Variants in ARPP21 observed in about 807,000 individuals in gnomAD.
ARPP21 encodes the protein cAMP-regulated phosphoprotein 21.
ARPP21 carries 69 observed loss-of-function variants against 113.2 expected under a neutral mutation model. The observed-to-expected ratio is 0.61, with a 90% CI of 0.50 to 0.74. The LOEUF (loss-of-function observed/expected upper bound fraction) is 0.74, where lower values mean the gene tolerates loss of function less well. Ranked by LOEUF, ARPP21 falls within the 30% of genes least tolerant of loss-of-function variation. ARPP21 has a pLI of 0.00. For missense variants in ARPP21, 1,070 were observed against 1,037.4 expected, an observed-to-expected ratio of 1.03 and a Z score of -0.43; for synonymous variants, 368 against 375.5, an observed-to-expected ratio of 0.98 and a Z score of 0.23.
At chr3:35,757,197 T>C (rs2095603309) in intron 19 of ARPP21, among the ~76,000 whole-genome samples, 1 of 151,012 alleles carries the variant, frequency 6.6e-6, no homozygotes, top group Admixed American at 6.6e-5. Flanking sequence ...TAGCTGGGAT[T>C]ACAAGCACCC....
chr3:35,743,927 A>G lies in ARPP21; in HGVS notation c.2099A>G (p.Gln700Arg), dbSNP rs757127262. 1 of 1,614,204 alleles carries G rather than the reference A, an allele frequency of 6.2e-7. No homozygotes were observed. Among genetic ancestry groups the G allele is most frequent in the Non-Finnish European group, 8.5e-7 (1 of 1,179,998 alleles). ...RPMAPVQYNA[Q>R]RSQQMPQAAQ... ...ATGGCCCCGGTTCAGTACAACGCTC[A>G]GAGGAGTCAACAGATGCCACAGGCA... Residue 700 changes from glutamine to arginine, a missense_variant, in exon 19 of 21, where the codon CAG (glutamine) becomes CGG (arginine). By Grantham distance (43) the Gln-to-Arg change is conservative. Transcript: ENST00000684406.
chr3:35,766,824 T>C (rs1286207793), intron 19 of ARPP21, among the ~76,000 whole-genome samples: 1 of 148,918 alleles, frequency 6.7e-6, no homozygotes, highest in Non-Finnish European at 1.5e-5. Context: ...AAGCTCATAT[T>C]ATACATATGT....
At chr3:35,766,011 A>T (rs1319743057) in intron 19 of ARPP21, among the ~76,000 whole-genome samples, 1 of 152,152 alleles carries the variant, frequency 6.6e-6, no homozygotes, top group Non-Finnish European at 1.5e-5. Flanking sequence ...AGCTCTGGGT[A>T]CCATGTAGAG....
chr3:35,771,979 A>G (rs910394692), intron 19 of ARPP21, among the ~76,000 whole-genome samples: 2 of 152,222 alleles, frequency 1.3e-5, no homozygotes, highest in Non-Finnish European at 2.9e-5. Context: ...AAGAAAATCT[A>G]ATTCACATCA....
At position 35,689,930 on chromosome 3, in the gene ARPP21, T is replaced by C. The variant is rs1265271929; in HGVS notation, c.486-151T>C. ...TTGTAATGAATGAAATGAAATAATA[T>C]GTAAATGGTCAGCATATTCCAAAGA... On this transcript the variant is annotated intron_variant, in intron 7 of 20. Transcript: ENST00000684406. 7.4e-6 allele frequency: 4 copies of C among 543,916 alleles called. No individual in the cohort carries two copies. The East Asian group carries it at 8.9e-5, about 12-fold the overall frequency. 33.7% of individuals were successfully genotyped at this position (543,916 alleles called of 1,614,324 possible).
At chr3:35,709,830 G>A (rs1366301655) in intron 11 of ARPP21, among the ~76,000 whole-genome samples, 1 of 152,192 alleles carries the variant, frequency 6.6e-6, no homozygotes, top group Non-Finnish European at 1.5e-5. Flanking sequence ...TGCGTCAGTA[G>A]AAGTGTGAGC....
At chr3:35,690,740 C>A in intron 8 of ARPP21, 125 bp from the exon 9 acceptor site, 3 of 842,862 alleles carry the variant, frequency 3.6e-6, no homozygotes, top group Non-Finnish European at 3.4e-6. Context: ...TTAAGTGATG[C>A]CAGAAATGCA....
At chr3:35,649,627 A>T (rs1397904104) in intron 1 of ARPP21, among the ~76,000 whole-genome samples, 2 of 152,140 alleles carry the variant, frequency 1.3e-5, no homozygotes, top group African/African-American at 4.8e-5. Context: ...TCCTCCAAAG[A>T]ACTAAGCAAG....
intron 19 of ARPP21, among the ~76,000 whole-genome samples, chr3:35,780,490 T>G (rs185849822): frequency 3.0e-4 from 45 of 152,160 alleles, no homozygotes; most frequent in Admixed American, 2.7e-3. Flanking sequence ...ATTGTGCCCA[T>G]TTTACAGATA....
intron 9 of ARPP21, among the ~76,000 whole-genome samples, chr3:35,704,568 T>A (rs2087936577): frequency 6.6e-6 from 1 of 151,946 alleles, no homozygotes; most frequent in Non-Finnish European, 1.5e-5. Context: ...TTGGTCAATA[T>A]AAATTGAAAC....
intron 1 of ARPP21, among the ~76,000 whole-genome samples, chr3:35,643,114 AAGGT>A (rs761573916): frequency 0.04 from 6,163 of 152,184 alleles, 181 homozygotes; most frequent in Admixed American, 0.08. Context: ...TTCAATCAGA[AAGGT>A]CTTGTGTTGA....
chr3:35,703,142 A>G (rs1337139961), intron 9 of ARPP21, among the ~76,000 whole-genome samples: 1 of 151,926 alleles, frequency 6.6e-6, no homozygotes, highest in Non-Finnish European at 1.5e-5. Context: ...GGAAGGATTA[A>G]GGTTAACTAT....
At chr3:35,748,188 A>C (rs1282631580) in intron 19 of ARPP21, among the ~76,000 whole-genome samples, 1 of 149,322 alleles carries the variant, frequency 6.7e-6, no homozygotes, top group African/African-American at 2.5e-5. Flanking sequence ...AGAAAGAAAG[A>C]AAGAAAGAGA....
In ARPP21 at chr3:35,739,403, C is replaced by A; in HGVS notation, c.1836C>A (p.Val612=). 6.2e-7 allele frequency: 1 copy of A among 1,614,162 alleles called. No homozygotes were observed. The change falls in exon 18 of 21, where the codon GTC becomes GTA. Residue 612 remains valine, a synonymous_variant. Coordinates refer to ENST00000684406, the MANE Select transcript of ARPP21 (RefSeq NM_001385562.1). ...GETPEPPSGP[V]YPSSLMPQPA... ...CTCCTGAACCCCCATCAGGTCCTGT[C>A]TACCCATCCTCCCTTATGCCACAGC...
intron 1 of ARPP21, among the ~76,000 whole-genome samples, chr3:35,645,112 T>C (rs2148886712): frequency 6.6e-6 from 1 of 152,036 alleles, no homozygotes; most frequent in Non-Finnish European, 1.5e-5. Flanking sequence ...ACATTATAAT[T>C]GTTCCTGTTA....
chr3:35,685,523 C>A (rs1467008920), intron 5 of ARPP21: 3 of 984,888 alleles, frequency 3.0e-6, no homozygotes, highest in Non-Finnish European at 3.6e-6. Context: ...ACAAAATGTG[C>A]GGACTGAATC....
At position 35,671,196 on chromosome 3, in the gene ARPP21, T is replaced by C. The variant is rs374890357; in HGVS notation, c.-212-8591T>C. Among the ~76,000 whole-genome samples the C allele has an allele frequency of 3.3e-5, 5 of 152,142 alleles. 1 individual carries two copies. Among genetic ancestry groups the C allele is most frequent in the South Asian group, 4.1e-4 (2 of 4,822 alleles). ...TCTTCAGCACTTGAGGTCCTGAACA[T>C]GGACACTTTTCCTGCAGTACATCCA... On this transcript the variant is annotated intron_variant, in intron 1 of 20. Coordinates refer to ENST00000684406, the MANE Select transcript of ARPP21 (RefSeq NM_001385562.1).
intron 9 of ARPP21, among the ~76,000 whole-genome samples, chr3:35,693,149 A>G (rs1390569547): frequency 6.6e-6 from 1 of 151,604 alleles, no homozygotes; most frequent in Non-Finnish European, 1.5e-5. Context: ...CGAAGGTACA[A>G]CTGCTACAAC....
At chr3:35,754,593 C>T (rs191530583) in intron 19 of ARPP21, among the ~76,000 whole-genome samples, 19 of 152,036 alleles carry the variant, frequency 1.2e-4, no homozygotes, top group African/African-American at 4.3e-4. Flanking sequence ...AGAAGTATAA[C>T]ACTGGGATTA....
Sources: allele counts gnomAD v4.1 joint callset (sites outside exome capture counted in the v4.1 genomes callset), GRCh38; gene constraint gnomAD v4.1.1; transcripts MANE v1.5; gene names NCBI Gene and HGNC (gene_info 2026-07-23, HGNC 2026-07-21).